CEMIP: variants seen among roughly 807,000 people sequenced by gnomAD.
CEMIP encodes cell migration-inducing and hyaluronan-binding protein.
A neutral mutation model predicts 156.9 loss-of-function variants in CEMIP; 105 were observed. The observed-to-expected ratio is 0.67, with a 90% CI of 0.57 to 0.79. The LOEUF is 0.79. CEMIP is among the 30% of genes least tolerant of loss of function. CEMIP has a pLI of 0.00. For missense variants in CEMIP, 1,457 were observed against 1,769.4 expected, an observed-to-expected ratio of 0.82 and a Z score of 3.17; for synonymous variants, 676 against 668.4, an observed-to-expected ratio of 1.01 and a Z score of -0.17.
At chr15:80,917,718 T>C (rs1463289320) in intron 14 of CEMIP, among the ~76,000 whole-genome samples, 1 of 152,238 alleles carries the variant, frequency 6.6e-6, no homozygotes, top group Non-Finnish European at 1.5e-5. Context: ...TTCTCCCATA[T>C]GGAGTGAGTG....
At chr15:80,925,973 C>G (rs1900649695) in intron 19 of CEMIP, among the ~76,000 whole-genome samples, 1 of 152,116 alleles carries the variant, frequency 6.6e-6, no homozygotes. Flanking sequence ...CCTACAGTGC[C>G]AGGTGCTGTG....
intron 16 of CEMIP, among the ~76,000 whole-genome samples, 154 bp from the exon 17 acceptor site, chr15:80,921,855 A>T (rs1173121274): frequency 6.6e-6 from 1 of 152,204 alleles, no homozygotes; most frequent in African/African-American, 2.4e-5. Context: ...AGACTGGACC[A>T]CATGGAGGTG....
chr15:80,920,020 T>C (rs1346133461), intron 14 of CEMIP, 74 bp from the exon 15 acceptor site: 1 of 1,328,744 alleles, frequency 7.5e-7, no homozygotes, highest in Non-Finnish European at 1.1e-6. Flanking sequence ...GACTATTTAG[T>C]GTTTGCTGAA....
intron 1 of CEMIP, among the ~76,000 whole-genome samples, chr15:80,817,376 C>T (rs1896808817): frequency 6.6e-6 from 1 of 152,012 alleles, no homozygotes; most frequent in African/African-American, 2.4e-5. Flanking sequence ...GGGTGAATAG[C>T]TTGAGCTCAG....
chr15:80,921,021 C>A lies in CEMIP; in HGVS notation c.2004-11C>A. 7.4e-6 allele frequency: 12 copies of A among 1,613,792 alleles called. No homozygotes were observed. Among genetic ancestry groups the A allele is most frequent in the Non-Finnish European group, 9.3e-6 (11 of 1,179,668 alleles). ...TTTATCTGATCTCAGGTATCTCTGC[C>A]CTCCCTGCAGTGCTGTGTCCACCTT... On this transcript the variant is annotated splice_polypyrimidine_tract_variant and intron_variant, in intron 15 of 29. Transcript: ENST00000394685.
intron 1 of CEMIP, among the ~76,000 whole-genome samples, chr15:80,834,380 T>C (rs926671200): frequency 2.0e-5 from 3 of 152,238 alleles, no homozygotes; most frequent in Admixed American, 1.3e-4. Flanking sequence ...TCTTTGCCTG[T>C]CCTACCTTTT....
At chr15:80,825,971 A>C (rs1230107146) in intron 1 of CEMIP, among the ~76,000 whole-genome samples, 1 of 152,190 alleles carries the variant, frequency 6.6e-6, no homozygotes, top group East Asian at 1.9e-4. Context: ...TTTGTATGAC[A>C]TACAGACTCA....
chr15:80,849,786 A>T (rs1487643268), intron 1 of CEMIP, among the ~76,000 whole-genome samples: 1 of 152,226 alleles, frequency 6.6e-6, no homozygotes, highest in Non-Finnish European at 1.5e-5. Context: ...AAAGGAAGTG[A>T]AATACCCGAA....
rs1447925167 is a variant in CEMIP, at chr15:80,932,722, TGA to T, written c.2794-519_2794-518del. Among the ~76,000 whole-genome samples, 1 of 152,212 alleles carries T rather than the reference TGA, an allele frequency of 6.6e-6. No homozygotes were observed. The highest frequency in any genetic ancestry group is 3.2e-3 in the Middle Eastern group (1 of 316). On this transcript the variant is annotated intron_variant, in intron 22 of 29. Transcript: ENST00000394685. This position sits in a 1 kb window ranked among gnomAD's most constrained non-coding sequence, Gnocchi z 4.5. The stretch of plus-strand genomic sequence containing the variant: ...GACTTAATGTCTTTACTCAGGCAAC[TGA>T]GAGCCTGAAAGAGGTCAGTTATGGA...
chr15:80,887,601 A>T, intron 7 of CEMIP, 93 bp from the exon 8 acceptor site: 4 of 916,662 alleles, frequency 4.4e-6, no homozygotes, highest in South Asian at 2.7e-5. Flanking sequence ...CCTTCACCTG[A>T]CGCTGCTTCA....
chr15:80,872,235 G>A (rs942292839), intron 1 of CEMIP, among the ~76,000 whole-genome samples: 1 of 152,212 alleles, frequency 6.6e-6, no homozygotes, highest in Non-Finnish European at 1.5e-5. Context: ...GTGTGGGAGA[G>A]TATCTGTTTG....
intron 1 of CEMIP, among the ~76,000 whole-genome samples, chr15:80,809,995 T>C (rs1896618449): frequency 6.6e-6 from 1 of 152,220 alleles, no homozygotes; most frequent in African/African-American, 2.4e-5. Flanking sequence ...TCAACTGATT[T>C]GGGACTTTAA....
At chr15:80,817,602 AAATAATAATAAT>A (rs59356064) in intron 1 of CEMIP, among the ~76,000 whole-genome samples, 3,817 of 138,732 alleles carry the variant, frequency 0.028, 74 homozygotes, top group Middle Eastern at 0.058. Flanking sequence ...CCCTGTCTCA[AAATAATAATAAT>A]AATAATAATA....
At chr15:80,936,603 G>A in intron 23 of CEMIP, 71 bp from the exon 24 acceptor site, 1 of 1,363,714 alleles carries the variant, frequency 7.3e-7, no homozygotes, top group Non-Finnish European at 1.0e-6. Flanking sequence ...ATAGTCAGAT[G>A]TTAGCCAGAC....
chr15:80,841,796 A>AT (rs1180602076), intron 1 of CEMIP, among the ~76,000 whole-genome samples: 1 of 152,218 alleles, frequency 6.6e-6, no homozygotes, highest in Non-Finnish European at 1.5e-5. Context: ...GCAACATTGC[A>AT]TATGGGGAAA....
rs115341181 is a variant in CEMIP at position 80,871,041 on chromosome 15, A to G, written c.-175-2497A>G. 5.4e-3 allele frequency among the ~76,000 whole-genome samples: 822 copies of G among 152,342 alleles called. 5 individuals carry two copies. Among genetic ancestry groups the G allele is most frequent in the Middle Eastern group, 0.017 (5 of 294 alleles). The stretch of plus-strand genomic sequence containing the variant: ...GCCTTCAACAGCTGGAAACTGTTTC[A>G]GGACTATCTTGCCAGCTAAGAAGCG... On this transcript the variant is annotated intron_variant, in intron 1 of 29. Coordinates refer to ENST00000394685, the MANE Select transcript of CEMIP (RefSeq NM_001293298.2).
intron 1 of CEMIP, among the ~76,000 whole-genome samples, chr15:80,861,221 C>T (rs1196347340): frequency 6.6e-6 from 1 of 152,106 alleles, no homozygotes; most frequent in Non-Finnish European, 1.5e-5. Flanking sequence ...CAGCAGAGAC[C>T]TCCAGGCTGC....
At chr15:80,826,156 C>T (rs191332647) in intron 1 of CEMIP, among the ~76,000 whole-genome samples, 1 of 152,314 alleles carries the variant, frequency 6.6e-6, no homozygotes, top group Non-Finnish European at 1.5e-5. Context: ...TATATGTGAT[C>T]CTACTCTCAA....
At chr15:80,848,878 T>C in intron 1 of CEMIP, among the ~76,000 whole-genome samples, 1 of 115,478 alleles carries the variant, frequency 8.7e-6, no homozygotes. Context: ...GTCAGTGTGT[T>C]CTCTGATGAG....
Sources: allele counts gnomAD v4.1 joint callset (sites outside exome capture counted in the v4.1 genomes callset), GRCh38; gene constraint gnomAD v4.1.1; non-coding constraint Gnocchi (gnomAD v3.1); transcripts MANE v1.5; gene names NCBI Gene and HGNC (gene_info 2026-07-23, HGNC 2026-07-21).